Variants in CLEC16A observed in about 807,000 individuals in gnomAD.
CLEC16A encodes the protein C-type lectin domain containing 16A.
A neutral mutation model predicts 109.5 loss-of-function variants in CLEC16A; 51 were observed. That is an observed-to-expected ratio of 0.47 (90% CI 0.37 to 0.59). The LOEUF (loss-of-function observed/expected upper bound fraction) is 0.59. Among genes scored for constraint, CLEC16A ranks in the 20% least tolerant of loss-of-function variants. CLEC16A has a pLI of 0.00. For synonymous variants in CLEC16A, 673 were observed against 564.2 expected (o/e 1.19, Z -2.73); for missense variants, 1,339 against 1,394.0 (o/e 0.96, Z 0.63).
intron 19 of CLEC16A, among the ~76,000 whole-genome samples, chr16:11,089,923 T>A (rs553368998): frequency 5.9e-5 from 9 of 152,342 alleles, no homozygotes; most frequent in Admixed American, 2.6e-4. Context: ...AGAAAAGGCT[T>A]CCAGCGGTTG....
intron 11 of CLEC16A, among the ~76,000 whole-genome samples, chr16:11,019,748 G>A (rs973203094): frequency 2.8e-4 from 40 of 143,870 alleles, no homozygotes; most frequent in African/African-American, 1.0e-3. Context: ...CAGCCTGGGT[G>A]ACAAGAGCGA....
chr16:11,030,929 A>G (rs912928492), intron 13 of CLEC16A, among the ~76,000 whole-genome samples: 4 of 152,250 alleles, frequency 2.6e-5, no homozygotes, highest in African/African-American at 9.6e-5. Context: ...TTTTGAATGC[A>G]AGTCCTTTAT....
intron 19 of CLEC16A, among the ~76,000 whole-genome samples, chr16:11,078,706 A>G (rs2049530136): frequency 6.6e-6 from 1 of 152,218 alleles, no homozygotes; most frequent in Non-Finnish European, 1.5e-5. Context: ...TGGCCATGTC[A>G]GATGAAATCC....
intron 20 of CLEC16A, among the ~76,000 whole-genome samples, chr16:11,122,182 C>T (rs1454959518): frequency 6.6e-6 from 1 of 152,208 alleles, no homozygotes; most frequent in Non-Finnish European, 1.5e-5. Flanking sequence ...CTGCGAGAAC[C>T]ACCCACATAC....
chr16:11,060,583 G>C (rs1293096326), intron 18 of CLEC16A, among the ~76,000 whole-genome samples: 1 of 152,224 alleles, frequency 6.6e-6, no homozygotes, highest in Non-Finnish European at 1.5e-5. Context: ...AAATGGGGCT[G>C]ACTGCTGGGC....
At chr16:11,108,969 G>C (rs2051391300) in intron 19 of CLEC16A, among the ~76,000 whole-genome samples, 1 of 151,988 alleles carries the variant, frequency 6.6e-6, no homozygotes, top group South Asian at 2.1e-4. Flanking sequence ...AAATTAGCCA[G>C]GCGTGGTGGC....
chr16:11,001,180 G>A (rs2044648441), intron 10 of CLEC16A, among the ~76,000 whole-genome samples: 1 of 151,982 alleles, frequency 6.6e-6, no homozygotes. Flanking sequence ...CTGCCTCCTT[G>A]GCTCGAGCGA....
chr16:11,090,013 A>G (rs2050215975), intron 19 of CLEC16A, among the ~76,000 whole-genome samples: 1 of 152,148 alleles, frequency 6.6e-6, no homozygotes, highest in Non-Finnish European at 1.5e-5. Flanking sequence ...TACACTCAGA[A>G]TATCTGTTTA....
chr16:11,015,378 C>T (rs945913984), intron 11 of CLEC16A, among the ~76,000 whole-genome samples: 2 of 152,174 alleles, frequency 1.3e-5, no homozygotes, highest in African/African-American at 4.8e-5. Flanking sequence ...GCTGCATTTC[C>T]AGCTGTGTTA....
chr16:11,048,926 G>A (rs1033991855), intron 17 of CLEC16A, among the ~76,000 whole-genome samples: 6 of 152,082 alleles, frequency 3.9e-5, no homozygotes, highest in East Asian at 1.9e-4. Context: ...ATGTGGGAAA[G>A]CTTGAGCTCT....
chr16:11,127,862 C>T (rs2052939111), intron 22 of CLEC16A, among the ~76,000 whole-genome samples: 1 of 152,016 alleles, frequency 6.6e-6, no homozygotes, highest in South Asian at 2.1e-4. Flanking sequence ...AGAGTGAGAC[C>T]CTGTCTCAAA....
chr16:11,172,250 A>G (rs376209974), intron 23 of CLEC16A, among the ~76,000 whole-genome samples: 1,528 of 152,296 alleles, frequency 0.01, 23 homozygotes, highest in African/African-American at 0.035. Context: ...AGTCACACGC[A>G]TACAAATGTA....
At chr16:11,139,473 C>T (rs1223638375) in intron 22 of CLEC16A, among the ~76,000 whole-genome samples, 1 of 152,184 alleles carries the variant, frequency 6.6e-6, no homozygotes, top group East Asian at 1.9e-4. Flanking sequence ...ATCTCAAATT[C>T]CCAAAGGGCC....
At chr16:11,067,867 G>A (rs960111750) in intron 19 of CLEC16A, among the ~76,000 whole-genome samples, 3 of 152,194 alleles carry the variant, frequency 2.0e-5, no homozygotes, top group Admixed American at 2.0e-4. Flanking sequence ...CTAGGTACAG[G>A]GGCTTTTATT....
Position 11,026,929 on chromosome 16 carries a change from T to C in CLEC16A, c.1537+2008T>C. 5.6e-6 allele frequency: 6 copies of C among 1,071,542 alleles called. No individual in the cohort carries two copies. The South Asian group carries it at 8.1e-5, about 15-fold the overall frequency. 66.4% of individuals were successfully genotyped at this position (1,071,542 alleles called of 1,614,324 possible). A position where few individuals can be genotyped will look rare whatever the true frequency, so the allele number is the denominator to read the frequency against. On this transcript the variant is annotated intron_variant, in intron 13 of 23. Coordinates refer to ENST00000409790, the MANE Select transcript of CLEC16A (RefSeq NM_015226.3). ...GCTGACTGGGTCCTCCAGCGTGAGC[T>C]AGAACAGACGTCTCTATGGTCAAGT...
At chr16:11,051,477 A>T in intron 17 of CLEC16A, 36 bp from the exon 18 acceptor site, 1 of 1,590,272 alleles carries the variant, frequency 6.3e-7, no homozygotes. Flanking sequence ...CCAAGTAAGG[A>T]ATCTGCTTTG....
chr16:10,987,239 A>T (rs1255373525), intron 10 of CLEC16A, among the ~76,000 whole-genome samples: 1 of 151,934 alleles, frequency 6.6e-6, no homozygotes, highest in African/African-American at 2.4e-5. Flanking sequence ...ATACAGAGAG[A>T]TCTTCCTCAG....
At chr16:10,972,494 T>C (rs1055249991) in intron 5 of CLEC16A, 60 bp from the exon 6 acceptor site, 5 of 1,557,674 alleles carry the variant, frequency 3.2e-6, no homozygotes, top group Middle Eastern at 1.7e-4. Context: ...CCTAACCCTG[T>C]TAACTGTTGT....
chr16:11,167,709 C>T (rs1028706946), intron 23 of CLEC16A, among the ~76,000 whole-genome samples: 4 of 152,204 alleles, frequency 2.6e-5, no homozygotes, highest in African/African-American at 4.8e-5. Flanking sequence ...AGGAAAGTCA[C>T]CCCACAGCCA....
Sources: allele counts gnomAD v4.1 joint callset (sites outside exome capture counted in the v4.1 genomes callset), GRCh38; gene constraint gnomAD v4.1.1; transcripts MANE v1.5; gene names NCBI Gene and HGNC (gene_info 2026-07-23, HGNC 2026-07-21).